Variants in WFS1 observed in about 807,000 individuals in gnomAD.
WFS1 encodes the protein wolframin ER transmembrane glycoprotein.
Under a neutral mutation model 68.5 loss-of-function variants are expected in WFS1, and 90 were observed. The ratio of observed to expected loss-of-function variants is 1.31; its 90% CI spans 1.11 to 1.56. The LOEUF (loss-of-function observed/expected upper bound fraction) is 1.56, where lower values mean the gene tolerates loss of function less well. Ranked by LOEUF, WFS1 falls within the 40% of genes most tolerant of loss-of-function variation. The probability of loss-of-function intolerance (pLI) is 0.00; values close to 1 mark genes in which losing one functional copy is unlikely to be tolerated. For synonymous variants in WFS1, 860 were observed against 540.7 expected, an observed-to-expected ratio of 1.59 and a Z score of -8.19; for missense variants, 1,767 against 1,232.6, an observed-to-expected ratio of 1.43 and a Z score of -6.49.
chr4:6,291,822 C>T lies in WFS1; in HGVS notation c.632-95C>T, dbSNP rs1038656634. On this transcript the variant is annotated intron_variant, in intron 5 of 7. Coordinates refer to ENST00000226760, the MANE Select transcript of WFS1 (RefSeq NM_006005.3). Reference sequence around the variant, plus strand: ...GAACGTAGGATGCCCCTGGAACTGGCGTGCCCTAGGAACAGTGCGCCAGTT... The same window carrying T: ...GAACGTAGGATGCCCCTGGAACTGGTGTGCCCTAGGAACAGTGCGCCAGTT... The T allele has an allele frequency of 2.6e-5, 35 of 1,346,616 alleles. No homozygotes were observed. In the South Asian group the frequency reaches 2.8e-4, roughly 11 times the overall value. The allele number at this position is 1,346,616 out of a possible 1,614,324, so 83.4% of individuals were successfully genotyped here.
At position 6,300,844 on chromosome 4, in the gene WFS1, T is replaced by G. The variant is rs1161591311; in HGVS notation, c.1049T>G (p.Phe350Cys). The G allele has an allele frequency of 1.2e-6, 2 of 1,614,010 alleles. No individual in the cohort carries two copies. The highest frequency in any genetic ancestry group is 2.7e-5 in the African/African-American group (2 of 74,914). ...FFAFFIPLVI[F>C]YLSFISMVIC... ...GCCTTCTTCATCCCGCTGGTCATCT[T>G]CTACCTGTCCTTCATCTCCATGGTG... Residue 350 changes from phenylalanine to cysteine, a missense_variant, in exon 8 of 8, where the codon TTC becomes TGC. Coordinates refer to ENST00000226760, the MANE Select transcript of WFS1 (RefSeq NM_006005.3).
At position 6,302,321 on chromosome 4, in the gene WFS1, C is replaced by T. The variant is rs1205057354; in HGVS notation, c.2526C>T (p.Leu842=). 3.1e-6 allele frequency: 5 copies of T among 1,612,178 alleles called. No individual in the cohort carries two copies. The highest frequency in any genetic ancestry group is 1.7e-5 in the Admixed American group (1 of 60,022). The change falls in exon 8 of 8, where the codon CTC becomes CTT. Residue 842 remains leucine (L), a synonymous_variant. Coordinates refer to ENST00000226760, the MANE Select transcript of WFS1 (RefSeq NM_006005.3). ...GCAGCAAGTGGCCTGTCTTCGAGCT[C>T]AAGGCCATCAGCTGCCTCAACTGCA... is the stretch of plus-strand genomic sequence containing the variant. ...RLGSKWPVFE[L]KAISCLNCMA...
At chr4:6,291,823 G>T in intron 5 of WFS1, 94 bp from the exon 6 acceptor site, 1 of 1,362,706 alleles carries the variant, frequency 7.3e-7, no homozygotes, top group South Asian at 1.2e-5. Flanking sequence ...TGGAACTGGC[G>T]TGCCCTAGGA....
intron 1 of WFS1, among the ~76,000 whole-genome samples, chr4:6,275,005 G>C: frequency 6.6e-6 from 1 of 152,142 alleles, no homozygotes; most frequent in East Asian, 1.9e-4. Flanking sequence ...GAGGTTGAAG[G>C]ATAAAACATT....
Position 6,287,278 on chromosome 4 carries a change from C to A in WFS1, c.315+103C>A. 1 of 1,114,424 alleles carries A rather than the reference C, an allele frequency of 9.0e-7. No homozygotes were observed. Among genetic ancestry groups the A allele is most frequent in the Non-Finnish European group, 1.3e-6 (1 of 754,774 alleles). The allele number at this position is 1,114,424 out of a possible 1,614,324, so 69.0% of individuals were successfully genotyped here. A position where few individuals can be genotyped will look rare whatever the true frequency, so the allele number is the denominator to read the frequency against. Reference sequence around the variant, plus strand: ...ACAGAGAAGTGTCGGTGCCTGAGATCGGGGTCAGGAGCCAGCGTGGTGCAC... The same window carrying A: ...ACAGAGAAGTGTCGGTGCCTGAGATAGGGGTCAGGAGCCAGCGTGGTGCAC... On this transcript the variant is annotated intron_variant, in intron 3 of 7. Coordinates refer to ENST00000226760, the MANE Select transcript of WFS1 (RefSeq NM_006005.3). This position sits in a 1 kb window ranked among gnomAD's most constrained non-coding sequence, Gnocchi z 6.4.
Position 6,302,823 on chromosome 4 carries a change from CTCTT to C in WFS1, c.*365_*368del, listed in dbSNP as rs373643818. On this transcript the variant is annotated 3_prime_UTR_variant, in exon 8 of 8. Coordinates refer to ENST00000226760, the MANE Select transcript of WFS1 (RefSeq NM_006005.3). ...CCCCCACCTTCAAGCACCCTGTTCC[CTCTT>C]TCTTTCTTTTGTGTTGGATTTGTTT... 1.3e-3 allele frequency: 482 copies of C among 375,326 alleles called. 6 individuals are homozygous for C. Among genetic ancestry groups the C allele is most frequent in the African/African-American group, 5.1e-3 (251 of 48,782 alleles). The allele number at this position is 375,326 out of a possible 1,614,324, so 23.2% of individuals were successfully genotyped here. A position where few individuals can be genotyped will look rare whatever the true frequency, so the allele number is the denominator to read the frequency against.
chr4:6,282,632 G>A (rs1390594878), intron 2 of WFS1, among the ~76,000 whole-genome samples: 1 of 152,214 alleles, frequency 6.6e-6, no homozygotes, highest in Admixed American at 6.5e-5. Context: ...TAATATGAAA[G>A]TGGAAGCCAG....
At chr4:6,299,410 G>A (rs1387856859) in intron 7 of WFS1, among the ~76,000 whole-genome samples, 2 of 152,056 alleles carry the variant, frequency 1.3e-5, no homozygotes, top group Non-Finnish European at 2.9e-5. Context: ...AGGTAGGGGT[G>A]CGCTGGTGTG....
At chr4:6,274,560 G>A (rs895286287) in intron 1 of WFS1, among the ~76,000 whole-genome samples, 1 of 152,146 alleles carries the variant, frequency 6.6e-6, no homozygotes, top group Non-Finnish European at 1.5e-5. Flanking sequence ...TGATGGAGAG[G>A]TGATCGCCTG....
At chr4:6,299,136 G>C (rs1020243628) in intron 7 of WFS1, among the ~76,000 whole-genome samples, 6 of 152,244 alleles carry the variant, frequency 3.9e-5, no homozygotes, top group Admixed American at 6.5e-5. Flanking sequence ...ATCCCCTCCA[G>C]TCCCTCTGCC....
At chr4:6,295,341 T>C in intron 7 of WFS1, 152 bp downstream of exon 7, 4 of 933,892 alleles carry the variant, frequency 4.3e-6, no homozygotes, top group Non-Finnish European at 6.6e-6. Context: ...TGGGTCATCA[T>C]CTATCGTCAT....
In WFS1 at chr4:6,301,716, A is replaced by T. The variant is rs752077783; in HGVS notation, c.1921A>T (p.Thr641Ser). The T allele has an allele frequency of 6.2e-7, 1 of 1,614,012 alleles. No individual in the cohort carries two copies. The highest frequency in any genetic ancestry group is 2.2e-5 in the East Asian group (1 of 44,868). Reference sequence around the variant, plus strand: ...GGTCAAGCTCATCCTGGTGTGGCTCACGGCCATCGTGCTGTTCTGCTGGTT... The same window carrying T: ...GGTCAAGCTCATCCTGGTGTGGCTCTCGGCCATCGTGCTGTTCTGCTGGTT... The part of the protein sequence containing the change: ...SMVKLILVWL[T>S]AIVLFCWFYV... The change falls in exon 8 of 8, where the codon ACG (threonine) becomes TCG (serine). Residue 641 changes from threonine (T) to serine (S), a missense_variant. Transcript: ENST00000226760.
At position 6,287,565 on chromosome 4, in the gene WFS1, C is replaced by T. The variant is rs962839667; in HGVS notation, c.315+390C>T. On this transcript the variant is annotated intron_variant, in intron 3 of 7. Transcript: ENST00000226760. The surrounding 1 kb of genome is among the most constrained non-coding windows in gnomAD (Gnocchi z 6.4). ...GGCTGTTAGCTGTGTGCACGGGGCC[C>T]TCAGAGCGGTGACCATTCACTTGGG... 1.3e-5 allele frequency among the ~76,000 whole-genome samples: 2 copies of T among 152,184 alleles called. No individual in the cohort carries two copies. Among genetic ancestry groups the T allele is most frequent in the African/African-American group, 2.4e-5 (1 of 41,452 alleles).
intron 7 of WFS1, among the ~76,000 whole-genome samples, chr4:6,299,841 G>T (rs1730800116): frequency 7.1e-6 from 1 of 140,142 alleles, no homozygotes; most frequent in Non-Finnish European, 1.5e-5. Flanking sequence ...TGTGTATAGG[G>T]GTGGGTTGTG....
At chr4:6,299,319 TCTGAC>T (rs754361728) in intron 7 of WFS1, among the ~76,000 whole-genome samples, 9 of 152,192 alleles carry the variant, frequency 5.9e-5, no homozygotes, top group Admixed American at 1.3e-4. Context: ...AAGAGCTCTT[TCTGAC>T]CTTAGCGCTG....
intron 4 of WFS1, 101 bp from the exon 5 acceptor site, chr4:6,291,096 A>G: frequency 1.5e-6 from 2 of 1,345,380 alleles, no homozygotes; most frequent in East Asian, 2.4e-5. Flanking sequence ...ACCTTCTATG[A>G]GTCTCGCTCG....
In WFS1 at chr4:6,287,691, A is replaced by G. The variant is rs1730353767; in HGVS notation, c.315+516A>G. ...GGAAGAAGCAGACCCAAAAAACCCA[A>G]GTAGACAAGACACAGAAATACAGTG... On this transcript the variant is annotated intron_variant, in intron 3 of 7. Coordinates refer to ENST00000226760, the MANE Select transcript of WFS1 (RefSeq NM_006005.3). The surrounding 1 kb of genome is among the most constrained non-coding windows in gnomAD (Gnocchi z 6.4). Among the ~76,000 whole-genome samples, 1 of 152,102 alleles carries G rather than the reference A, an allele frequency of 6.6e-6. No homozygotes were observed. Among genetic ancestry groups the G allele is most frequent in the Non-Finnish European group, 1.5e-5 (1 of 68,030 alleles).
rs768375190 is a variant in WFS1 at position 6,301,048 on chromosome 4, C to T, written c.1253C>T (p.Ser418Phe). 1.2e-6 allele frequency: 2 copies of T among 1,614,178 alleles called. No homozygotes were observed. Among genetic ancestry groups the T allele is most frequent in the Non-Finnish European group, 8.5e-7 (1 of 1,180,030 alleles). Residue 418 changes from serine (S) to phenylalanine (F), a missense_variant, in exon 8 of 8, where the codon TCC (serine) becomes TTC (phenylalanine). By Grantham distance (155) the Ser-to-Phe change is radical (BLOSUM62 -2). Transcript: ENST00000226760. Reference sequence around the variant, plus strand: ...CTCTCTGTCTTCTTCGTCATCTTCTCCTTCCCCATCGCCAGCAAGGACTGC... The same window carrying T: ...CTCTCTGTCTTCTTCGTCATCTTCTTCTTCCCCATCGCCAGCAAGGACTGC... ...FLLSVFFVIF[S>F]FPIASKDCIP... is the part of the protein sequence containing the mutation.
chr4:6,298,619 T>G (rs1730719713), intron 7 of WFS1, among the ~76,000 whole-genome samples: 2 of 152,048 alleles, frequency 1.3e-5, no homozygotes, highest in African/African-American at 4.8e-5. Flanking sequence ...GTCCTTCTCA[T>G]CTGTGGAAGG....
Sources: allele counts gnomAD v4.1 joint callset (sites outside exome capture counted in the v4.1 genomes callset), GRCh38; gene constraint gnomAD v4.1.1; non-coding constraint Gnocchi (gnomAD v3.1); transcripts MANE v1.5; gene names NCBI Gene and HGNC (gene_info 2026-07-23, HGNC 2026-07-21).